Variants in DTNA observed in about 807,000 individuals in gnomAD.
DTNA encodes the protein dystrophin-related protein 3.
In DTNA, 43 loss-of-function variants were observed where a neutral mutation model predicts 100.7. The observed-to-expected ratio is 0.43, with a 90% CI of 0.33 to 0.55. The LOEUF is 0.55. DTNA is among the 20% of genes least tolerant of loss of function. The pLI is 0.04. For missense variants in DTNA, 798 were observed against 953.9 expected, an observed-to-expected ratio of 0.84 and a Z score of 2.15; for synonymous variants, 349 against 347.9, an observed-to-expected ratio of 1.00 and a Z score of -0.04.
intron 1 of DTNA, among the ~76,000 whole-genome samples, chr18:34,661,075 T>C (rs1416009476): frequency 6.6e-6 from 1 of 152,194 alleles, no homozygotes; most frequent in Non-Finnish European, 1.5e-5. Context: ...TTTTTATCTT[T>C]CTCAGTATCA....
intron 9 of DTNA, chr18:34,821,355 T>A (rs1387959805): frequency 2.1e-5 from 9 of 423,612 alleles, no homozygotes; most frequent in African/African-American, 1.9e-4. Flanking sequence ...GAAATTACTT[T>A]TGTTTTTCAT....
intron 1 of DTNA, among the ~76,000 whole-genome samples, chr18:34,608,525 T>C (rs1370444148): frequency 1.3e-5 from 2 of 152,054 alleles, no homozygotes; most frequent in Non-Finnish European, 2.9e-5. Flanking sequence ...TTTTTTTTTT[T>C]TTATGGATTC....
intron 1 of DTNA, among the ~76,000 whole-genome samples, chr18:34,710,675 A>AGTGTGTGT (rs113472325): frequency 8.6e-4 from 127 of 147,944 alleles, no homozygotes; most frequent in African/African-American, 2.8e-3. Context: ...TGTGTGTGGG[A>AGTGTGTGT]GTGTGTGTGT....
chr18:34,531,277 G>A (rs2043114956), intron 1 of DTNA, among the ~76,000 whole-genome samples: 1 of 152,110 alleles, frequency 6.6e-6, no homozygotes, highest in Admixed American at 6.6e-5. Context: ...CTGATGTTCA[G>A]GAGATGTGGT....
At chr18:34,783,445 A>G (rs1405222714) in intron 3 of DTNA, among the ~76,000 whole-genome samples, 2 of 152,226 alleles carry the variant, frequency 1.3e-5, no homozygotes, top group Non-Finnish European at 2.9e-5. Context: ...TAACCAGGAA[A>G]TTAAAGTGAA....
In DTNA at chr18:34,583,831, T is replaced by A. The variant is rs567108041; in HGVS notation, c.-2+90317T>A. Among the ~76,000 whole-genome samples, 3 of 152,250 alleles carry A rather than the reference T, an allele frequency of 2.0e-5. No individual in the cohort carries two copies. The South Asian group carries it at 6.2e-4, about 32-fold the overall frequency. Reference sequence around the variant, plus strand: ...AGAACACCTGGACTCCCAAATTCCCTCCTCAACTTTTTGCAGCCTGACAGC... The same window carrying A: ...AGAACACCTGGACTCCCAAATTCCCACCTCAACTTTTTGCAGCCTGACAGC... On this transcript the variant is annotated intron_variant, in intron 1 of 19. Coordinates refer to the DTNA transcript ENST00000283365.
intron 1 of DTNA, among the ~76,000 whole-genome samples, chr18:34,750,240 TC>T (rs2092182205): frequency 6.6e-6 from 1 of 152,160 alleles, no homozygotes; most frequent in African/African-American, 2.4e-5. Flanking sequence ...AGACTGTGAA[TC>T]AGTGTGTGAC....
chr18:34,731,564 G>A (rs1475553807), intron 1 of DTNA, among the ~76,000 whole-genome samples: 2 of 152,200 alleles, frequency 1.3e-5, no homozygotes, highest in Admixed American at 6.5e-5. Flanking sequence ...CACATAGCAA[G>A]TGCATAATGA....
At chr18:34,621,089 A>G (rs753092330) in intron 1 of DTNA, among the ~76,000 whole-genome samples, 24 of 151,338 alleles carry the variant, frequency 1.6e-4, no homozygotes, top group South Asian at 4.2e-4. Context: ...TCCTTCTCTC[A>G]GTTCTACAAA....
intron 3 of DTNA, among the ~76,000 whole-genome samples, chr18:34,772,936 T>C (rs558519170): frequency 1.9e-4 from 29 of 152,330 alleles, no homozygotes; most frequent in Admixed American, 1.8e-3. Context: ...GGTTGTAGGA[T>C]TGGGGCCCCG....
chr18:34,717,659 G>A (rs2084324905), intron 1 of DTNA, among the ~76,000 whole-genome samples: 1 of 152,108 alleles, frequency 6.6e-6, no homozygotes, highest in Admixed American at 6.6e-5. Flanking sequence ...CTTGATTCAG[G>A]AAATCCTTGG....
intron 1 of DTNA, among the ~76,000 whole-genome samples, chr18:34,528,712 T>TA (rs1322692478): frequency 4.6e-5 from 7 of 152,126 alleles, no homozygotes; most frequent in African/African-American, 7.2e-5. Context: ...CATTTTTTTT[T>TA]ACCCCTAAAT....
chr18:34,789,571 C>CATAGGCAGGA (rs1374646360), intron 3 of DTNA, among the ~76,000 whole-genome samples: 1 of 152,156 alleles, frequency 6.6e-6, no homozygotes, highest in Admixed American at 6.5e-5. Context: ...TCTGTATTCC[C>CATAGGCAGGA]ACCAGACTGT....
Position 34,890,089 on chromosome 18 carries a change from A to G in DTNA, c.*2355A>G, listed in dbSNP as rs2096956443. On this transcript the variant is annotated 3_prime_UTR_variant, in exon 23 of 23. Coordinates refer to ENST00000444659, the MANE Select transcript of DTNA (RefSeq NM_001386795.1). ...CCACCACTGACTGGACCGAGCTGGC[A>G]TATGTTGTTTCTTTGTGTTTCTACA... The G allele has an allele frequency of 4.3e-6, 6 of 1,398,278 alleles. No homozygotes were observed. The South Asian group carries it at 1.0e-4, about 24-fold the overall frequency. 86.6% of individuals were successfully genotyped at this position (1,398,278 alleles called of 1,614,324 possible).
chr18:34,713,543 G>A (rs865783126), intron 1 of DTNA, among the ~76,000 whole-genome samples: 18 of 151,906 alleles, frequency 1.2e-4, no homozygotes, highest in Admixed American at 8.5e-4. Context: ...TAGCCTTGTA[G>A]TATAGTTTGA....
intron 4 of DTNA, 80 bp downstream of exon 4, chr18:34,794,330 A>G: frequency 1.3e-6 from 2 of 1,488,754 alleles, no homozygotes; most frequent in South Asian, 1.2e-5. Flanking sequence ...TTCCCAAACA[A>G]TTTTATATCT....
intron 20 of DTNA, among the ~76,000 whole-genome samples, chr18:34,880,472 T>A (rs566617164): frequency 1.3e-5 from 2 of 152,230 alleles, no homozygotes; most frequent in East Asian, 3.9e-4. Flanking sequence ...TAAATGACCA[T>A]GGTTCATGGA....
intron 3 of DTNA, among the ~76,000 whole-genome samples, chr18:34,773,731 T>G (rs2093902227): frequency 6.6e-6 from 1 of 152,210 alleles, no homozygotes; most frequent in Admixed American, 6.5e-5. Context: ...ATGGAAAAAC[T>G]GCTCCTCTCT....
chr18:34,784,305 A>G (rs1307914698), intron 3 of DTNA, among the ~76,000 whole-genome samples: 3 of 152,232 alleles, frequency 2.0e-5, no homozygotes, highest in Non-Finnish European at 4.4e-5. Flanking sequence ...TAAGAGTGTT[A>G]TATACTGGGC....
Sources: allele counts gnomAD v4.1 joint callset (sites outside exome capture counted in the v4.1 genomes callset), GRCh38; gene constraint gnomAD v4.1.1; transcripts MANE v1.5; gene names NCBI Gene and HGNC (gene_info 2026-07-23, HGNC 2026-07-21).